CAMKMT: variants seen among roughly 807,000 people sequenced by gnomAD.
CAMKMT encodes the protein CaM KMT.
Under a neutral mutation model 48.0 loss-of-function variants are expected in CAMKMT, and 53 were observed. The ratio of observed to expected loss-of-function variants is 1.10; its 90% confidence interval spans 0.89 to 1.39. The LOEUF (loss-of-function observed/expected upper bound fraction) is 1.39, where lower values mean the gene tolerates loss of function less well. Among genes scored for constraint, CAMKMT ranks in the 40% most tolerant of loss-of-function variants. The pLI, the probability that CAMKMT is intolerant of heterozygous loss-of-function variation, is 0.00. For synonymous variants in CAMKMT, 165 were observed against 152.3 expected (o/e 1.08, Z -0.61); for missense variants, 428 against 402.7 (o/e 1.06, Z -0.54).
At chr2:44,516,504 C>T (rs1220483823) in intron 3 of CAMKMT, among the ~76,000 whole-genome samples, 1 of 152,028 alleles carries the variant, frequency 6.6e-6, no homozygotes, top group African/African-American at 2.4e-5. Flanking sequence ...TTTTGTCCCT[C>T]TCTAAATATA....
At position 44,721,807 on chromosome 2, in the gene CAMKMT, A is replaced by T. The variant is rs572527952; in HGVS notation, c.623+6454A>T. 2.7e-3 allele frequency among the ~76,000 whole-genome samples: 397 copies of T among 145,826 alleles called. 5 individuals are homozygous for T. Among genetic ancestry groups the T allele is most frequent in the African/African-American group, 9.6e-3 (385 of 40,306 alleles). ...AGTTTGAAATCAGCCTGGGCAACAT[A>T]GTGAAACCCCATCTATTGAAAAGAA... On this transcript the variant is annotated intron_variant, in intron 7 of 10. Coordinates refer to ENST00000378494, the MANE Select transcript of CAMKMT (RefSeq NM_024766.5).
intron 3 of CAMKMT, among the ~76,000 whole-genome samples, chr2:44,646,751 C>G (rs1302080109): frequency 3.3e-5 from 5 of 152,130 alleles, no homozygotes; most frequent in Admixed American, 2.0e-4. Context: ...AAAACCACCA[C>G]CAGGCCCCCA....
intron 6 of CAMKMT, among the ~76,000 whole-genome samples, chr2:44,710,677 T>C (rs548013590): frequency 6.6e-6 from 1 of 152,124 alleles, no homozygotes; most frequent in Admixed American, 6.5e-5. Context: ...TGCCCACATA[T>C]AATAATTACT....
intron 3 of CAMKMT, among the ~76,000 whole-genome samples, chr2:44,580,243 A>AATAATAAAATAAAAT (rs1669477079): frequency 1.4e-5 from 2 of 139,946 alleles, no homozygotes; most frequent in African/African-American, 5.2e-5. Flanking sequence ...ATCAGGGCTC[A>AATAATAAAATAAAAT]AAAATAAAAT....
intron 3 of CAMKMT, among the ~76,000 whole-genome samples, chr2:44,535,014 G>C (rs1666690444): frequency 6.7e-6 from 1 of 148,692 alleles, no homozygotes; most frequent in Non-Finnish European, 1.5e-5. Flanking sequence ...GGGGAGAGGG[G>C]GAGAGAGAGA....
intron 3 of CAMKMT, among the ~76,000 whole-genome samples, chr2:44,598,734 A>C (rs1420769345): frequency 1.1e-4 from 5 of 45,308 alleles, no homozygotes; most frequent in Non-Finnish European, 2.6e-4. Context: ...TTAGCAACTT[A>C]CTTGTTAAAG....
intron 3 of CAMKMT, among the ~76,000 whole-genome samples, chr2:44,684,895 A>G (rs1676249260): frequency 6.6e-6 from 1 of 152,214 alleles, no homozygotes; most frequent in Non-Finnish European, 1.5e-5. Context: ...CTGACCTGTG[A>G]TTGCATTTGT....
intron 3 of CAMKMT, among the ~76,000 whole-genome samples, chr2:44,578,679 G>A (rs1486192621): frequency 6.6e-6 from 1 of 152,126 alleles, no homozygotes; most frequent in East Asian, 1.9e-4. Flanking sequence ...ATTGGGTAAT[G>A]GGATGTGGTG....
chr2:44,587,958 G>A (rs1669972435), intron 3 of CAMKMT, among the ~76,000 whole-genome samples: 1 of 122,868 alleles, frequency 8.1e-6, no homozygotes, highest in South Asian at 2.9e-4. Context: ...GATATGAGGA[G>A]CCTCTCTGCC....
chr2:44,382,930 A>G (rs1218940348), intron 2 of CAMKMT, among the ~76,000 whole-genome samples: 1 of 152,302 alleles, frequency 6.6e-6, no homozygotes, highest in African/African-American at 2.4e-5. Flanking sequence ...ACAAAACACC[A>G]CATACTGGGG....
intron 2 of CAMKMT, among the ~76,000 whole-genome samples, chr2:44,374,147 A>C (rs1679452646): frequency 6.7e-6 from 1 of 150,166 alleles, no homozygotes; most frequent in African/African-American, 2.5e-5. Flanking sequence ...AAAAAAATCA[A>C]AGTAAAGAAA....
At chr2:44,491,160 A>G (rs1322117510) in intron 3 of CAMKMT, among the ~76,000 whole-genome samples, 1 of 151,950 alleles carries the variant, frequency 6.6e-6, no homozygotes, top group South Asian at 2.1e-4. Flanking sequence ...CAAAAAAAAA[A>G]AAAAAAAAAA....
chr2:44,541,264 T>A (rs911392602), intron 3 of CAMKMT, among the ~76,000 whole-genome samples: 9 of 152,204 alleles, frequency 5.9e-5, no homozygotes, highest in Non-Finnish European at 1.2e-4. Flanking sequence ...TGAGATTGCA[T>A]TGAATTTATA....
chr2:44,382,896 G>A (rs948354390), intron 2 of CAMKMT, among the ~76,000 whole-genome samples: 1 of 152,202 alleles, frequency 6.6e-6, no homozygotes, highest in East Asian at 1.9e-4. Flanking sequence ...CTCTTACTAT[G>A]TTTTAGTTTG....
intron 3 of CAMKMT, among the ~76,000 whole-genome samples, chr2:44,581,381 G>A (rs539566884): frequency 7.9e-5 from 12 of 152,190 alleles, no homozygotes; most frequent in Non-Finnish European, 1.8e-4. Flanking sequence ...TCAATGAGCA[G>A]TAGAGCTTGG....
chr2:44,726,468 T>A (rs1440397747), intron 7 of CAMKMT, among the ~76,000 whole-genome samples: 1 of 152,184 alleles, frequency 6.6e-6, no homozygotes, highest in Non-Finnish European at 1.5e-5. Flanking sequence ...CCTTTTTAAA[T>A]GAGGTTATTG....
intron 3 of CAMKMT, among the ~76,000 whole-genome samples, chr2:44,646,268 C>A (rs1043027912): frequency 2.6e-5 from 4 of 151,896 alleles, no homozygotes; most frequent in African/African-American, 9.7e-5. Context: ...AAGAATACTT[C>A]AACTCAGATT....
chr2:44,371,693 C>A (rs1679195985), intron 1 of CAMKMT, among the ~76,000 whole-genome samples: 1 of 152,054 alleles, frequency 6.6e-6, no homozygotes, highest in African/African-American at 2.4e-5. Flanking sequence ...TCCCATTGCC[C>A]CACCACCATT....
intron 3 of CAMKMT, among the ~76,000 whole-genome samples, chr2:44,677,096 A>T (rs561373519): frequency 6.6e-6 from 1 of 152,268 alleles, no homozygotes; most frequent in South Asian, 2.1e-4. Flanking sequence ...CATCTCCTGA[A>T]CTGCTTTATC....
Sources: gnomAD v4.1 joint callset for allele counts (sites outside exome capture counted in the v4.1 genomes callset) on GRCh38, gnomAD v4.1.1 for gene constraint, MANE v1.5 for transcripts, NCBI Gene and HGNC (gene_info 2026-07-23, HGNC 2026-07-21) for gene names.